RIC1: variants seen among roughly 807,000 people sequenced by gnomAD.
RIC1 encodes RIC1 partner of RAB6A GEF complex, also known as guanine nucleotide exchange factor subunit RIC1.
A neutral mutation model predicts 169.0 loss-of-function variants in RIC1; 88 were observed. The ratio of observed to expected loss-of-function variants is 0.52; its 90% confidence interval spans 0.44 to 0.62. The LOEUF (loss-of-function observed/expected upper bound fraction) is 0.62, where lower values mean the gene tolerates loss of function less well. Ranked by LOEUF, RIC1 falls within the 20% of genes least tolerant of loss-of-function variation. The pLI, the probability that RIC1 is intolerant of heterozygous loss-of-function variation, is 0.00. For synonymous variants in RIC1, 790 were observed against 601.5 expected (o/e 1.31, Z -4.59); for missense variants, 1,877 against 1,725.5 (o/e 1.09, Z -1.56).
intron 1 of RIC1, among the ~76,000 whole-genome samples, chr9:5,634,385 C>T (rs879620812): frequency 4.6e-5 from 7 of 152,150 alleles, no homozygotes; most frequent in Non-Finnish European, 1.0e-4. Context: ...ACGTCTTTGC[C>T]GACCTTGTTA....
At chr9:5,762,708 G>C in intron 18 of RIC1, 48 bp downstream of exon 18, 3 of 1,586,484 alleles carry the variant, frequency 1.9e-6, no homozygotes, top group Non-Finnish European at 2.6e-6. Flanking sequence ...GAAGGTATGG[G>C]ATGAGGATGA....
chr9:5,758,371 T>G (rs1408772458), intron 17 of RIC1, among the ~76,000 whole-genome samples: 1 of 152,210 alleles, frequency 6.6e-6, no homozygotes, highest in African/African-American at 2.4e-5. Context: ...CAGTCTGTCT[T>G]TTACTTCCTA....
At chr9:5,689,301 T>G (rs1821456410) in intron 2 of RIC1, among the ~76,000 whole-genome samples, 1 of 152,138 alleles carries the variant, frequency 6.6e-6, no homozygotes, top group Admixed American at 6.5e-5. Context: ...TCTGCCCGCC[T>G]TGGCCTCCCA....
At chr9:5,722,604 C>T (rs947096375) in intron 6 of RIC1, among the ~76,000 whole-genome samples, 4 of 152,010 alleles carry the variant, frequency 2.6e-5, no homozygotes, top group East Asian at 3.9e-4. Flanking sequence ...ATGTGCACAG[C>T]GTGCAGGTTT....
At chr9:5,685,806 C>T (rs1821183578) in intron 2 of RIC1, among the ~76,000 whole-genome samples, 1 of 138,796 alleles carries the variant, frequency 7.2e-6, no homozygotes, top group African/African-American at 2.6e-5. Context: ...AGCTTCTGCA[C>T]AGCAAAAGAA....
chr9:5,704,792 GA>G (rs1369449825), intron 3 of RIC1, among the ~76,000 whole-genome samples: 1 of 152,056 alleles, frequency 6.6e-6, no homozygotes, highest in Non-Finnish European at 1.5e-5. Context: ...ATTTTTTTAA[GA>G]ATAGTTTTAG....
intron 1 of RIC1, among the ~76,000 whole-genome samples, chr9:5,630,376 A>G (rs1817662116): frequency 6.6e-6 from 1 of 152,212 alleles, no homozygotes; most frequent in Non-Finnish European, 1.5e-5. Flanking sequence ...TGTCAGAGTG[A>G]AGTTTTTCTC....
chr9:5,756,329 G>A lies in RIC1; in HGVS notation c.1810G>A (p.Asp604Asn), dbSNP rs1376382873. 6.3e-7 allele frequency: 1 copy of A among 1,575,654 alleles called. No homozygotes were observed. Among genetic ancestry groups the A allele is most frequent in the Non-Finnish European group, 8.6e-7 (1 of 1,157,108 alleles). ...GGACATGGTAATAGTATTTAGAGCA[G>A]ACTGTTCAATATGCCTTTACAGTAT... ...FQDMVIVFRA[D>N]CSICLYSIER... The change falls in exon 16 of 26, where the codon GAC (aspartate) becomes AAC (asparagine). Residue 604 changes from aspartate to asparagine, a missense_variant. Asp to Asn is a conservative substitution (Grantham distance 23, BLOSUM62 1). Around this residue, in one of 3 missense-constraint regions of RIC1, gnomAD observed 1,104 missense variants for 992.0 expected, o/e 1.11. Transcript: ENST00000414202.
chr9:5,699,851 C>T (rs910508875), intron 3 of RIC1, among the ~76,000 whole-genome samples: 1 of 152,098 alleles, frequency 6.6e-6, no homozygotes, highest in African/African-American at 2.4e-5. Flanking sequence ...TAAAGCATAT[C>T]TGAAAGTTAT....
In RIC1 at chr9:5,720,676, G is replaced by A. The variant is rs1587015453; in HGVS notation, c.646G>A (p.Asp216Asn). The A allele has an allele frequency of 4.3e-6, 7 of 1,612,492 alleles. No homozygotes were observed. The highest frequency in any genetic ancestry group is 5.9e-6 in the Non-Finnish European group (7 of 1,179,160). ...IRDMEYCATL[D>N]GFAVVFNDGK... ...AGACATGGAATACTGTGCCACACTT[G>A]ATGGGTTTGCTGTTGTATTTAATGA... The change falls in exon 6 of 26, where the codon GAT (aspartate) becomes AAT (asparagine). Residue 216 changes from aspartate (D) to asparagine (N), a missense_variant. Transcript: ENST00000414202.
chr9:5,726,333 T>C (rs946055953), intron 6 of RIC1, among the ~76,000 whole-genome samples: 5 of 152,330 alleles, frequency 3.3e-5, no homozygotes, highest in Non-Finnish European at 5.9e-5. Context: ...CTATTGATCT[T>C]TGTTGGTTTA....
At chr9:5,748,784 G>C (rs1825541798) in intron 12 of RIC1, 1 of 152,528 alleles carries the variant, frequency 6.6e-6, no homozygotes, top group Non-Finnish European at 1.5e-5. Flanking sequence ...CAAAAACTCA[G>C]TGATTCTGTG....
chr9:5,747,803 G>T lies in RIC1; in HGVS notation c.1452+298G>T, dbSNP rs2025310. ...TATTTTACTTTCAGCCTCTTTTTTT[G>T]TATAAATTTAGCTCTACGGATTTGC... On this transcript the variant is annotated intron_variant, in intron 12 of 25. Coordinates refer to ENST00000414202, the MANE Select transcript of RIC1 (RefSeq NM_020829.4). Among the ~76,000 whole-genome samples the T allele has an allele frequency of 2.6e-5, 4 of 152,150 alleles. No individual in the cohort carries two copies. In the East Asian group the frequency reaches 5.8e-4, roughly 22 times the overall value.
At chr9:5,656,960 C>A (rs547815243) in intron 2 of RIC1, among the ~76,000 whole-genome samples, 1 of 152,116 alleles carries the variant, frequency 6.6e-6, no homozygotes, top group South Asian at 2.1e-4. Flanking sequence ...ACTGTTTTGC[C>A]CTTGAAGTCT....
At chr9:5,634,635 G>T (rs1365354505) in intron 1 of RIC1, among the ~76,000 whole-genome samples, 2 of 151,804 alleles carry the variant, frequency 1.3e-5, no homozygotes, top group Non-Finnish European at 2.9e-5. Context: ...TTAGATGTAT[G>T]GTTTGCAGAT....
intron 3 of RIC1, among the ~76,000 whole-genome samples, chr9:5,703,437 A>C (rs779761196): frequency 6.6e-5 from 10 of 151,916 alleles, no homozygotes; most frequent in Non-Finnish European, 1.5e-4. Context: ...CTTTTACATC[A>C]CTCCAGGCAG....
chr9:5,711,619 A>C (rs188399084), intron 3 of RIC1, among the ~76,000 whole-genome samples: 331 of 151,994 alleles, frequency 2.2e-3, no homozygotes, highest in African/African-American at 7.6e-3. Context: ...GTACATGTGC[A>C]CAATGTGCAG....
intron 19 of RIC1, 95 bp from the exon 20 acceptor site, chr9:5,765,319 A>G (rs1344044264): frequency 4.5e-6 from 6 of 1,327,574 alleles, no homozygotes; most frequent in South Asian, 2.8e-5. Flanking sequence ...TGGTGTGGCT[A>G]CATTCTTTGA....
chr9:5,692,778 G>A (rs896086634), intron 3 of RIC1, among the ~76,000 whole-genome samples: 3 of 152,040 alleles, frequency 2.0e-5, no homozygotes, highest in African/African-American at 7.2e-5. Context: ...AGTAAAGTTT[G>A]GTTTTGACAG....
Sources: gnomAD v4.1 joint callset for allele counts (sites outside exome capture counted in the v4.1 genomes callset) on GRCh38, gnomAD v4.1.1 for gene constraint, gnomAD v4.1.1 regional missense constraint, MANE v1.5 for transcripts, NCBI Gene and HGNC (gene_info 2026-07-23, HGNC 2026-07-21) for gene names.